SLC14A2: variants seen among roughly 807,000 people sequenced by gnomAD.
SLC14A2 encodes the protein solute carrier family 14 member 2.
SLC14A2 carries 91 observed loss-of-function variants against 104.6 expected under a neutral mutation model. The observed-to-expected ratio is 0.87, with a 90% CI of 0.73 to 1.04. The LOEUF is 1.04. Ranked by LOEUF, SLC14A2 falls within the 50% of genes least tolerant of loss-of-function variation. The pLI is 0.00. For missense variants in SLC14A2, 1,189 were observed against 1,156.0 expected, an observed-to-expected ratio of 1.03 and a Z score of -0.41; for synonymous variants, 476 against 466.4, an observed-to-expected ratio of 1.02 and a Z score of -0.27.
At chr18:45,609,882 G>C (rs2044943083) in intron 2 of SLC14A2, among the ~76,000 whole-genome samples, 1 of 152,188 alleles carries the variant, frequency 6.6e-6, no homozygotes, top group African/African-American at 2.4e-5. Context: ...CAAGACACAA[G>C]CTGAAAAAGA....
At chr18:45,230,711 C>CTTCTTT (rs1201881626) in intron 1 of SLC14A2, among the ~76,000 whole-genome samples, 5 of 152,322 alleles carry the variant, frequency 3.3e-5, no homozygotes, top group Admixed American at 3.3e-4. Context: ...GAAGGCAGAT[C>CTTCTTT]TTCTTTTTCC....
chr18:45,521,131 A>G (rs2043510790), intron 2 of SLC14A2, among the ~76,000 whole-genome samples: 1 of 152,210 alleles, frequency 6.6e-6, no homozygotes. Context: ...GTCAACAGTC[A>G]TATTTTTTAA....
chr18:45,226,628 T>C (rs2084120440), intron 1 of SLC14A2, among the ~76,000 whole-genome samples: 2 of 130,504 alleles, frequency 1.5e-5, no homozygotes, highest in South Asian at 2.5e-4. Context: ...ATGAAAACAT[T>C]TGAACACAGG....
intron 1 of SLC14A2, among the ~76,000 whole-genome samples, chr18:45,362,889 G>C (rs1835792423): frequency 7.0e-6 from 1 of 143,854 alleles, no homozygotes. Context: ...TCTCTGGTGT[G>C]TGCTGGATGG....
intron 2 of SLC14A2, among the ~76,000 whole-genome samples, chr18:45,556,253 AT>A: frequency 6.6e-6 from 1 of 152,302 alleles, no homozygotes; most frequent in East Asian, 1.9e-4. Flanking sequence ...ATTTCAACAT[AT>A]AAATTTTGGG....
At chr18:45,639,418 G>C (rs533189232) in intron 6 of SLC14A2, among the ~76,000 whole-genome samples, 2 of 152,288 alleles carry the variant, frequency 1.3e-5, no homozygotes, top group Non-Finnish European at 2.9e-5. Flanking sequence ...ATCCCCGAGA[G>C]CCCTGAAACT....
intron 1 of SLC14A2, among the ~76,000 whole-genome samples, chr18:45,243,580 T>C (rs2084339302): frequency 6.6e-6 from 1 of 152,216 alleles, no homozygotes; most frequent in Admixed American, 6.5e-5. Flanking sequence ...CTGTTCCTTG[T>C]AGAGAGAAAA....
At chr18:45,650,913 A>T (rs4890565) in intron 10 of SLC14A2, among the ~76,000 whole-genome samples, 6 of 151,902 alleles carry the variant, frequency 3.9e-5, no homozygotes, top group African/African-American at 9.7e-5. Flanking sequence ...CTTTTTTTTT[A>T]TTTTTAGCAA....
intron 1 of SLC14A2, among the ~76,000 whole-genome samples, chr18:45,222,698 ACCAACTACCCTTT>A (rs1568107694): frequency 6.6e-6 from 1 of 152,162 alleles, no homozygotes; most frequent in Non-Finnish European, 1.5e-5. Context: ...GCAAAAGATC[ACCAACTACCCTTT>A]GGATATCACT....
chr18:45,307,187 C>A lies in SLC14A2; in HGVS notation c.-125+93996C>A, dbSNP rs552445056. 2.0e-5 allele frequency among the ~76,000 whole-genome samples: 3 copies of A among 152,002 alleles called. No individual in the cohort carries two copies. In the South Asian group the frequency reaches 6.3e-4, roughly 32 times the overall value. ...ATCCTAGCACTTTGGGAGGCCAAGG[C>A]GGGCAGATCACTTGAGATCAGGAGT... On this transcript the variant is annotated intron_variant, in intron 1 of 20. Coordinates refer to the SLC14A2 transcript ENST00000586448.
chr18:45,543,725 G>A (rs572218423), intron 2 of SLC14A2, among the ~76,000 whole-genome samples: 2 of 152,330 alleles, frequency 1.3e-5, no homozygotes, highest in Admixed American at 1.3e-4. Flanking sequence ...AAGGAAACAT[G>A]GCAGATATGA....
chr18:45,643,182 G>A lies in SLC14A2; in HGVS notation c.1176+1G>A, dbSNP rs1318561678. ...AGCCATCTCCAACATCATGTCAGTGGTAAGTGTGGATTCTCCTGAACACTA... is the reference window on the plus strand; with the variant it reads ...AGCCATCTCCAACATCATGTCAGTGATAAGTGTGGATTCTCCTGAACACTA... On this transcript the variant is annotated splice_donor_variant, in intron 9 of 19. Coordinates refer to ENST00000255226, the MANE Select transcript of SLC14A2 (RefSeq NM_007163.4). LOFTEE classifies it high-confidence loss of function. 2 of 1,613,720 alleles carry A rather than the reference G, an allele frequency of 1.2e-6. No individual in the cohort carries two copies. Among genetic ancestry groups the A allele is most frequent in the Non-Finnish European group, 8.5e-7 (1 of 1,179,574 alleles).
At chr18:45,465,187 A>G (rs1258467726) in intron 1 of SLC14A2, among the ~76,000 whole-genome samples, 2 of 152,314 alleles carry the variant, frequency 1.3e-5, no homozygotes, top group African/African-American at 4.8e-5. Flanking sequence ...AGAAACGGAG[A>G]GAAGAAAACA....
the SLC14A2 span, among the ~76,000 whole-genome samples, chr18:45,183,819 T>C: frequency 1.3e-5 from 2 of 150,892 alleles, no homozygotes; most frequent in African/African-American, 4.9e-5. Flanking sequence ...CACTGCAGCA[T>C]CCAACTCCTG....
intron 2 of SLC14A2, among the ~76,000 whole-genome samples, chr18:45,523,857 C>T (rs540130067): frequency 6.6e-6 from 1 of 152,338 alleles, no homozygotes; most frequent in African/African-American, 2.4e-5. Context: ...CTACACTAGG[C>T]TGTTTGTGTG....
At chr18:45,269,297 A>G (rs2084626146) in intron 1 of SLC14A2, among the ~76,000 whole-genome samples, 1 of 152,058 alleles carries the variant, frequency 6.6e-6, no homozygotes, top group Admixed American at 6.6e-5. Context: ...TAAAGTGAGT[A>G]TATGCCATGT....
At chr18:45,486,575 G>C (rs2087610559) in intron 2 of SLC14A2, among the ~76,000 whole-genome samples, 1 of 152,162 alleles carries the variant, frequency 6.6e-6, no homozygotes, top group African/African-American at 2.4e-5. Context: ...ATCTAGCTTT[G>C]TTTAATAAAT....
At chr18:45,378,575 G>A (rs749753967) in intron 1 of SLC14A2, among the ~76,000 whole-genome samples, 9 of 152,194 alleles carry the variant, frequency 5.9e-5, no homozygotes, top group Non-Finnish European at 1.3e-4. Context: ...ATGTAATCAT[G>A]TTAATGGGCC....
rs71177674 is a variant in SLC14A2 at position 45,414,757 on chromosome 18, AATATATAT to A, written c.-124-68444_-124-68437del. Among the ~76,000 whole-genome samples the A allele has an allele frequency of 2.2e-4, 17 of 76,108 alleles. 1 individual carries two copies. Among genetic ancestry groups the A allele is most frequent in the South Asian group, 1.9e-3 (5 of 2,672 alleles). 49.9% of individuals were successfully genotyped at this position (76,108 alleles called of 152,430 possible). ...AGGCACCGAGCGTAAAAAAAAAAAA[AATATATAT>A]ATATATATATATATATATATATATA... On this transcript the variant is annotated intron_variant, in intron 1 of 20. Transcript: ENST00000586448.
Sources: allele counts gnomAD v4.1 joint callset (sites outside exome capture counted in the v4.1 genomes callset), GRCh38; gene constraint gnomAD v4.1.1; transcripts MANE v1.5; gene names NCBI Gene and HGNC (gene_info 2026-07-23, HGNC 2026-07-21).